The following EYS variants were observed in gnomAD, a reference collection of about 807,000 sequenced individuals.
The protein encoded by EYS is EGF-like photoreceptor maintenance factor.
In EYS, 250 loss-of-function variants were observed where a neutral mutation model predicts 282.1. That is an observed-to-expected ratio of 0.89 (90% confidence interval 0.80 to 0.98). The LOEUF is 0.98. Ranked by LOEUF, EYS falls within the 50% of genes least tolerant of loss-of-function variation. The probability of loss-of-function intolerance (pLI) is 0.00; values close to 1 mark genes in which losing one functional copy is unlikely to be tolerated. For missense variants in EYS, 4,016 were observed against 3,709.0 expected, an observed-to-expected ratio of 1.08 and a Z score of -2.15; for synonymous variants, 1,355 against 1,282.9, an observed-to-expected ratio of 1.06 and a Z score of -1.20.
intron 28 of EYS, among the ~76,000 whole-genome samples, chr6:64,423,200 A>G (rs1410789066): frequency 6.6e-6 from 1 of 152,166 alleles, no homozygotes; most frequent in Non-Finnish European, 1.5e-5. Context: ...CTCTTCATGG[A>G]TTAACAATTA....
intron 26 of EYS, among the ~76,000 whole-genome samples, chr6:64,463,539 T>C (rs1412286639): frequency 6.6e-6 from 1 of 152,226 alleles, no homozygotes; most frequent in Non-Finnish European, 1.5e-5. Flanking sequence ...GTAAAGCCAA[T>C]GGGAGACTTT....
intron 36 of EYS, among the ~76,000 whole-genome samples, chr6:63,825,085 C>A (rs1400634649): frequency 1.3e-5 from 2 of 152,142 alleles, no homozygotes; most frequent in Admixed American, 6.5e-5. Context: ...GTGAGACTGG[C>A]CCTTCAGTTT....
chr6:63,801,222 T>G (rs552475925), intron 37 of EYS, among the ~76,000 whole-genome samples: 1 of 152,012 alleles, frequency 6.6e-6, no homozygotes, highest in Non-Finnish European at 1.5e-5. Context: ...AGGCTATTGC[T>G]ATTGCAATAG....
chr6:65,008,196 A>T (rs1382464851), intron 13 of EYS, among the ~76,000 whole-genome samples: 1 of 152,178 alleles, frequency 6.6e-6, no homozygotes, highest in African/African-American at 2.4e-5. Flanking sequence ...TGTCCACTAT[A>T]ACACGGGGAA....
At chr6:65,303,921 A>AG in intron 11 of EYS, 1 of 715,372 alleles carries the variant, frequency 1.4e-6, no homozygotes, top group South Asian at 1.5e-5. Context: ...AAGTCCATGC[A>AG]GGAGGTGCAC....
At chr6:65,616,249 G>A (rs1766195095) in intron 2 of EYS, among the ~76,000 whole-genome samples, 1 of 152,056 alleles carries the variant, frequency 6.6e-6, no homozygotes, top group Non-Finnish European at 1.5e-5. Flanking sequence ...TTTCTGCTCT[G>A]TGAGTTTCTT....
chr6:64,107,740 T>C (rs754844608), intron 31 of EYS, among the ~76,000 whole-genome samples: 7 of 152,052 alleles, frequency 4.6e-5, no homozygotes, highest in Non-Finnish European at 1.0e-4. Flanking sequence ...TGTTGAAAGG[T>C]AGTCATAACG....
At chr6:63,985,310 A>T (rs1240763940) in intron 34 of EYS, among the ~76,000 whole-genome samples, 2 of 151,642 alleles carry the variant, frequency 1.3e-5, no homozygotes, top group African/African-American at 4.8e-5. Flanking sequence ...CTTACCAAAA[A>T]TGAGTTAAGA....
chr6:64,188,174 C>T (rs529820762), intron 31 of EYS, among the ~76,000 whole-genome samples: 1 of 152,042 alleles, frequency 6.6e-6, no homozygotes, highest in Non-Finnish European at 1.5e-5. Context: ...ATATAAAGTT[C>T]CACAGATGAA....
chr6:65,006,894 A>G (rs1771684138), intron 13 of EYS, among the ~76,000 whole-genome samples: 1 of 152,204 alleles, frequency 6.6e-6, no homozygotes, highest in Admixed American at 6.5e-5. Flanking sequence ...CTCAATCCAG[A>G]CTCAAAAGTT....
intron 31 of EYS, among the ~76,000 whole-genome samples, chr6:64,124,112 G>A (rs1773682801): frequency 6.6e-6 from 1 of 152,222 alleles, no homozygotes; most frequent in Non-Finnish European, 1.5e-5. Context: ...GTGTACTGCT[G>A]TAAAAGATGT....
chr6:64,714,747 C>T (rs1402972277), intron 22 of EYS, among the ~76,000 whole-genome samples: 1 of 151,924 alleles, frequency 6.6e-6, no homozygotes, highest in Non-Finnish European at 1.5e-5. Flanking sequence ...AGGATGGTCT[C>T]AATCTCCTGA....
intron 11 of EYS, chr6:65,329,275 A>G (rs542365057): frequency 4.0e-6 from 3 of 757,018 alleles, no homozygotes; most frequent in South Asian, 1.2e-4. Flanking sequence ...TTGAAACTTT[A>G]TTATTCAAAA....
chr6:64,755,947 A>C (rs183103202), intron 22 of EYS, among the ~76,000 whole-genome samples: 5 of 152,226 alleles, frequency 3.3e-5, no homozygotes, highest in African/African-American at 9.6e-5. Context: ...TTGTGAATCT[A>C]TAAGTTAATA....
intron 13 of EYS, among the ~76,000 whole-genome samples, chr6:65,009,107 G>T (rs972388355): frequency 1.3e-5 from 2 of 152,042 alleles, no homozygotes; most frequent in Non-Finnish European, 2.9e-5. Flanking sequence ...GCTTGAGGAA[G>T]GAATTAATCC....
At chr6:64,986,872 C>G (rs913433735) in intron 14 of EYS, among the ~76,000 whole-genome samples, 1 of 147,240 alleles carries the variant, frequency 6.8e-6, no homozygotes, top group Non-Finnish European at 1.5e-5. Context: ...TATATTTAAG[C>G]CTAAAGAAAA....
chr6:63,876,143 A>G (rs1023732261), intron 35 of EYS, among the ~76,000 whole-genome samples: 1 of 152,168 alleles, frequency 6.6e-6, no homozygotes, highest in Non-Finnish European at 1.5e-5. Context: ...ACTGCTTTAA[A>G]TGTGTCCCAG....
intron 28 of EYS, 146 bp from the exon 29 acceptor site, chr6:64,388,986 T>C (rs1773008111): frequency 1.8e-6 from 1 of 555,922 alleles, no homozygotes. Context: ...TAATCTGTTA[T>C]AAATTAGAAT....
At chr6:64,569,879 G>T (rs972098754) in intron 26 of EYS, among the ~76,000 whole-genome samples, 1 of 150,412 alleles carries the variant, frequency 6.6e-6, no homozygotes, top group East Asian at 1.9e-4. Flanking sequence ...CACTCTTCGG[G>T]ATATTATCCA....
Sources: allele counts gnomAD v4.1 joint callset (sites outside exome capture counted in the v4.1 genomes callset), GRCh38; gene constraint gnomAD v4.1.1; transcripts MANE v1.5; gene names NCBI Gene and HGNC (gene_info 2026-07-23, HGNC 2026-07-21).